Variants in ATP6V1H observed in about 807,000 individuals in gnomAD.
ATP6V1H encodes the protein V-type proton ATPase subunit H.
In ATP6V1H, 39 loss-of-function variants were observed where a neutral mutation model predicts 71.7. That is an observed-to-expected ratio of 0.54 (90% CI 0.42 to 0.71). The LOEUF (loss-of-function observed/expected upper bound fraction) is 0.71, where lower values mean the gene tolerates loss of function less well. ATP6V1H is among the 30% of genes least tolerant of loss of function. The pLI is 0.00. For missense variants in ATP6V1H, 509 were observed against 594.9 expected, an observed-to-expected ratio of 0.86 and a Z score of 1.50; for synonymous variants, 192 against 199.3, an observed-to-expected ratio of 0.96 and a Z score of 0.31.
intron 12 of ATP6V1H, among the ~76,000 whole-genome samples, chr8:53,745,054 A>G (rs1037013101): frequency 2.0e-5 from 3 of 152,142 alleles, no homozygotes; most frequent in Non-Finnish European, 4.4e-5. Flanking sequence ...AACTCTGCAT[A>G]TGATTTTTAC....
chr8:53,827,181 G>A (rs1039722865), intron 4 of ATP6V1H, among the ~76,000 whole-genome samples: 4 of 151,894 alleles, frequency 2.6e-5, no homozygotes, highest in Admixed American at 1.3e-4. Flanking sequence ...CAGGAGTTTT[G>A]AGACCAGCCT....
At chr8:53,718,148 A>G (rs1458032200) in intron 13 of ATP6V1H, among the ~76,000 whole-genome samples, 3 of 152,312 alleles carry the variant, frequency 2.0e-5, no homozygotes, top group South Asian at 4.1e-4. Flanking sequence ...TTCATTCCCC[A>G]TATCAGACTT....
chr8:53,765,448 AACAACAACACAC>A (rs1427385234), intron 11 of ATP6V1H, among the ~76,000 whole-genome samples: 1 of 44,944 alleles, frequency 2.2e-5, no homozygotes, highest in Non-Finnish European at 6.8e-5. Flanking sequence ...GGACAACAAC[AACAACAACACAC>A]ACACACACAC....
At chr8:53,773,564 G>C (rs536150683) in intron 9 of ATP6V1H, among the ~76,000 whole-genome samples, 16 of 152,288 alleles carry the variant, frequency 1.1e-4, no homozygotes, top group African/African-American at 3.6e-4. Flanking sequence ...CAGTGGCAAA[G>C]AAGCCACAGA....
intron 9 of ATP6V1H, among the ~76,000 whole-genome samples, chr8:53,789,144 AG>A (rs879798658): frequency 2.4e-4 from 37 of 152,354 alleles, no homozygotes; most frequent in African/African-American, 8.2e-4. Context: ...AAGAACTTAA[AG>A]GCAGGATTCA....
chr8:53,833,226 T>C (rs1811065219), intron 2 of ATP6V1H, 140 bp from the exon 3 acceptor site: 2 of 600,624 alleles, frequency 3.3e-6, no homozygotes, highest in Non-Finnish European at 5.9e-6. Context: ...CAGACAGACC[T>C]GGATTCAATG....
At chr8:53,756,015 C>T (rs1264126759) in intron 12 of ATP6V1H, among the ~76,000 whole-genome samples, 6 of 144,496 alleles carry the variant, frequency 4.2e-5, no homozygotes, top group Admixed American at 4.1e-4. Flanking sequence ...CCTCGGCCTC[C>T]CAAAGTGCTG....
chr8:53,777,535 G>C (rs1216575401), intron 9 of ATP6V1H, among the ~76,000 whole-genome samples: 1 of 151,992 alleles, frequency 6.6e-6, no homozygotes, highest in Non-Finnish European at 1.5e-5. Flanking sequence ...CAGAATAAAG[G>C]TAAACTAAAA....
intron 7 of ATP6V1H, among the ~76,000 whole-genome samples, chr8:53,808,384 TA>T (rs1328820178): frequency 3.3e-5 from 5 of 152,230 alleles, no homozygotes; most frequent in African/African-American, 1.2e-4. Context: ...CAGTCTAAAG[TA>T]AGTACATATA....
chr8:53,751,448 A>T (rs1457976217), intron 12 of ATP6V1H, among the ~76,000 whole-genome samples: 3 of 152,234 alleles, frequency 2.0e-5, no homozygotes, highest in Admixed American at 1.3e-4. Flanking sequence ...CCAAAGTGCA[A>T]ATATGACATT....
chr8:53,736,661 C>T (rs1008653372), intron 13 of ATP6V1H, among the ~76,000 whole-genome samples: 1 of 147,742 alleles, frequency 6.8e-6, no homozygotes, highest in Non-Finnish European at 1.5e-5. Context: ...ATCAGAAAAC[C>T]TCGGCACAAA....
At chr8:53,819,578 ATATAT>A (rs1810569711) in intron 4 of ATP6V1H, among the ~76,000 whole-genome samples, 1 of 129,482 alleles carries the variant, frequency 7.7e-6, no homozygotes, top group Non-Finnish European at 1.6e-5. Flanking sequence ...ATATATATAT[ATATAT>A]ATAAAATACA....
In ATP6V1H at chr8:53,800,015, T is replaced by G. The variant is rs1165271525; in HGVS notation, c.677+1784A>C. Among the ~76,000 whole-genome samples, 4 of 152,348 alleles carry G rather than the reference T, an allele frequency of 2.6e-5. No homozygotes were observed. In the East Asian group the frequency reaches 7.7e-4, roughly 29 times the overall value. ...AGACACCTACTTTATTTCAGGAGTC[T>G]GAAATTTTGGTGTGTTTTAGGCACA... On this transcript the variant is annotated intron_variant, in intron 8 of 13. Transcript: ENST00000359530.
At chr8:53,818,882 A>G (rs1810540522) in intron 4 of ATP6V1H, among the ~76,000 whole-genome samples, 1 of 152,192 alleles carries the variant, frequency 6.6e-6, no homozygotes, top group Admixed American at 6.5e-5. Context: ...TTTCCATGCA[A>G]CTAAAATTTT....
At chr8:53,785,050 C>T (rs1207669695) in intron 9 of ATP6V1H, among the ~76,000 whole-genome samples, 6 of 152,166 alleles carry the variant, frequency 3.9e-5, no homozygotes, top group East Asian at 1.9e-4. Context: ...ATCCTTGTGG[C>T]GTTCTCTGTA....
At chr8:53,769,492 C>T (rs1808580228) in intron 11 of ATP6V1H, 126 bp downstream of exon 11, 2 of 957,610 alleles carry the variant, frequency 2.1e-6, no homozygotes, top group Non-Finnish European at 3.0e-6. Flanking sequence ...CATTCAACCA[C>T]ATTAGTCAGC....
chr8:53,724,013 C>T (rs895606720), intron 13 of ATP6V1H, among the ~76,000 whole-genome samples: 3 of 152,220 alleles, frequency 2.0e-5, no homozygotes, highest in African/African-American at 7.2e-5. Flanking sequence ...CTACAATTTA[C>T]TATTTTCTAA....
chr8:53,842,977 A>T (rs542918258), intron 1 of ATP6V1H, 57 bp downstream of exon 1: 4 of 152,544 alleles, frequency 2.6e-5, no homozygotes, highest in African/African-American at 9.6e-5. Context: ...GAGAAACTGC[A>T]AGAGTCGCCT....
intron 13 of ATP6V1H, among the ~76,000 whole-genome samples, chr8:53,733,303 G>T (rs566352252): frequency 6.6e-6 from 1 of 152,284 alleles, no homozygotes; most frequent in South Asian, 2.1e-4. Context: ...CCGGGGTCAG[G>T]TGTCACCACT....
Sources: allele counts gnomAD v4.1 joint callset (sites outside exome capture counted in the v4.1 genomes callset), GRCh38; gene constraint gnomAD v4.1.1; transcripts MANE v1.5; gene names NCBI Gene and HGNC (gene_info 2026-07-23, HGNC 2026-07-21).